Variants in NSUN3 observed in about 807,000 individuals in gnomAD.
The protein encoded by NSUN3 is tRNA (cytosine(34)-C(5))-methyltransferase, mitochondrial.
NSUN3 carries 24 observed loss-of-function variants against 36.8 expected under a neutral mutation model. That is an observed-to-expected ratio of 0.65 (90% CI 0.47 to 0.92). The LOEUF (loss-of-function observed/expected upper bound fraction) is 0.92, where lower values mean the gene tolerates loss of function less well. Among genes scored for constraint, NSUN3 ranks in the 40% least tolerant of loss-of-function variants. The pLI, the probability that NSUN3 is intolerant of heterozygous loss-of-function variation, is 0.00. For synonymous variants in NSUN3, 146 were observed against 145.2 expected (o/e 1.01, Z -0.04); for missense variants, 381 against 392.8 (o/e 0.97, Z 0.25).
At chr3:94,115,819 G>A (rs1251485844) in intron 5 of NSUN3, among the ~76,000 whole-genome samples, 8 of 152,092 alleles carry the variant, frequency 5.3e-5, no homozygotes, top group African/African-American at 1.9e-4. Flanking sequence ...CCGAGAAAGA[G>A]AATTTATATT....
intron 3 of NSUN3, among the ~76,000 whole-genome samples, chr3:94,090,405 T>C (rs1223228119): frequency 1.3e-5 from 2 of 152,204 alleles, no homozygotes; most frequent in East Asian, 3.9e-4. Flanking sequence ...AATGCTGACT[T>C]GAGAATCTTG....
chr3:94,083,390 A>C (rs2077278674), intron 2 of NSUN3, among the ~76,000 whole-genome samples: 1 of 152,178 alleles, frequency 6.6e-6, no homozygotes, highest in Non-Finnish European at 1.5e-5. Flanking sequence ...CCAGATACAG[A>C]ATATTCTTGG....
At chr3:94,095,782 T>G (rs2077336025) in intron 5 of NSUN3, among the ~76,000 whole-genome samples, 1 of 152,196 alleles carries the variant, frequency 6.6e-6, no homozygotes, top group Non-Finnish European at 1.5e-5. Context: ...AGTCTCACTC[T>G]GTCGCCCAGG....
Position 94,129,485 on chromosome 3 carries a change from C to T in NSUN3, c.*2995C>T, listed in dbSNP as rs1449431673. Among the ~76,000 whole-genome samples, 1 of 152,000 alleles carries T rather than the reference C, an allele frequency of 6.6e-6. No homozygotes were observed. Among genetic ancestry groups the T allele is most frequent in the Non-Finnish European group, 1.5e-5 (1 of 68,028 alleles). On this transcript the variant is annotated 3_prime_UTR_variant, in exon 6 of 6. Transcript: ENST00000314622. The stretch of plus-strand genomic sequence containing the variant: ...ATAAAGGAACAATAGACACTGGTGA[C>T]TACTAGAGTGGGGAGGGGAGGAGGG...
intron 4 of NSUN3, 69 bp downstream of exon 4, chr3:94,094,363 G>A (rs2077328864): frequency 6.9e-7 from 1 of 1,446,746 alleles, no homozygotes; most frequent in Non-Finnish European, 9.4e-7. Context: ...CTTTGTGGTT[G>A]TTATTTTCCA....
intron 3 of NSUN3, among the ~76,000 whole-genome samples, chr3:94,087,674 C>T (rs903864685): frequency 6.6e-6 from 1 of 152,078 alleles, no homozygotes; most frequent in African/African-American, 2.4e-5. Flanking sequence ...TCAGTGATAA[C>T]TTTTTTGGTT....
In NSUN3 at chr3:94,090,557, T is replaced by C. The variant is rs144584037; in HGVS notation, c.467-3583T>C. ...ACTAAATGCAAGGTATTGGATGGTA[T>C]GTGTATAGAGGTAAGGGATATAGAA... On this transcript the variant is annotated intron_variant, in intron 3 of 5. Transcript: ENST00000314622. 3.3e-4 allele frequency among the ~76,000 whole-genome samples: 50 copies of C among 152,312 alleles called. No homozygotes were observed. The East Asian group carries it at 9.2e-3, about 28-fold the overall frequency.
chr3:94,106,751 A>G (rs567131432), intron 5 of NSUN3, among the ~76,000 whole-genome samples: 1 of 152,274 alleles, frequency 6.6e-6, no homozygotes, highest in Non-Finnish European at 1.5e-5. Context: ...AAATGATGAG[A>G]AACAGGCAGT....
chr3:94,103,630 A>G (rs1380329209), intron 5 of NSUN3, among the ~76,000 whole-genome samples: 1 of 152,102 alleles, frequency 6.6e-6, no homozygotes, highest in Non-Finnish European at 1.5e-5. Flanking sequence ...TCATAATGAT[A>G]TACAATTGAT....
intron 5 of NSUN3, among the ~76,000 whole-genome samples, chr3:94,106,098 G>A (rs979661454): frequency 2.6e-5 from 4 of 152,030 alleles, no homozygotes; most frequent in Non-Finnish European, 5.9e-5. Flanking sequence ...AGAAGAGGTA[G>A]TAAATGTGAA....
chr3:94,102,844 TATTA>T (rs2077371534), intron 5 of NSUN3, among the ~76,000 whole-genome samples: 1 of 152,104 alleles, frequency 6.6e-6, no homozygotes, highest in South Asian at 2.1e-4. Context: ...TATCAGCATT[TATTA>T]ATTTATTTAC....
intron 5 of NSUN3, among the ~76,000 whole-genome samples, chr3:94,105,389 A>T (rs2077384677): frequency 6.6e-6 from 1 of 152,204 alleles, no homozygotes; most frequent in Non-Finnish European, 1.5e-5. Flanking sequence ...CACTACAGGA[A>T]TTTGAACTTA....
At chr3:94,077,683 A>T (rs931476799) in intron 2 of NSUN3, among the ~76,000 whole-genome samples, 9 of 152,234 alleles carry the variant, frequency 5.9e-5, no homozygotes, top group African/African-American at 2.2e-4. Flanking sequence ...GTATGTGTCC[A>T]GGAATTTATT....
chr3:94,065,950 A>G (rs1054090270), intron 2 of NSUN3, among the ~76,000 whole-genome samples: 6 of 152,002 alleles, frequency 3.9e-5, no homozygotes, highest in Non-Finnish European at 7.4e-5. Context: ...GCCCAAGTTC[A>G]CTCAGCTAAT....
chr3:94,084,157 G>A lies in NSUN3; in HGVS notation c.173G>A (p.Arg58Gln), dbSNP rs1403294371. The stretch of plus-strand genomic sequence containing the variant: ...TGGCAATATGCTGTCCTGCTTAACC[G>A]ATTCAATTATCCTTTTGAACTGGAA... ...SCWQYAVLLN[R>Q]FNYPFELEKD... is the part of the protein sequence containing the mutation. Residue 58 changes from arginine to glutamine, a missense_variant, in exon 3 of 6, where the codon CGA becomes CAA. Transcript: ENST00000314622. 3.1e-6 allele frequency: 5 copies of A among 1,613,884 alleles called. No individual in the cohort carries two copies. Among genetic ancestry groups the A allele is most frequent in the Non-Finnish European group, 2.5e-6 (3 of 1,180,006 alleles).
chr3:94,100,300 A>C (rs2077359660), intron 5 of NSUN3, among the ~76,000 whole-genome samples: 1 of 152,244 alleles, frequency 6.6e-6, no homozygotes, highest in Admixed American at 6.5e-5. Flanking sequence ...ACAGCCTTTA[A>C]AAGCAAGGAC....
chr3:94,106,555 T>G (rs2107264165), intron 5 of NSUN3, among the ~76,000 whole-genome samples: 1 of 152,350 alleles, frequency 6.6e-6, no homozygotes, highest in Non-Finnish European at 1.5e-5. Flanking sequence ...TTTAGATTCT[T>G]ATAGTACCCT....
intron 3 of NSUN3, chr3:94,085,285 AT>A (rs1400968302): frequency 1.3e-5 from 2 of 152,108 alleles, no homozygotes; most frequent in Non-Finnish European, 2.9e-5. Flanking sequence ...AAAATTTACA[AT>A]TTTTTTCTTA....
Position 94,087,716 on chromosome 3 carries a change from G to T in NSUN3, c.466+3266G>T, listed in dbSNP as rs192436152. On this transcript the variant is annotated intron_variant, in intron 3 of 5. Transcript: ENST00000314622. The stretch of plus-strand genomic sequence containing the variant: ...GACAAGGTCTTGCTCTGTTGCTCAG[G>T]CTGGAGTGCAGTGGTGCGATCTTGG... Among the ~76,000 whole-genome samples, 7 of 152,288 alleles carry T rather than the reference G, an allele frequency of 4.6e-5. No individual in the cohort carries two copies. The East Asian group carries it at 1.4e-3, about 29-fold the overall frequency.
Sources: allele counts gnomAD v4.1 joint callset (sites outside exome capture counted in the v4.1 genomes callset), GRCh38; gene constraint gnomAD v4.1.1; transcripts MANE v1.5; gene names NCBI Gene and HGNC (gene_info 2026-07-23, HGNC 2026-07-21).